Variants in BPIFA2 observed in about 807,000 individuals in gnomAD.
BPIFA2 encodes the protein BPI fold containing family A member 2.
Under a neutral mutation model 25.7 loss-of-function variants are expected in BPIFA2, and 20 were observed. The ratio of observed to expected loss-of-function variants is 0.78; its 90% CI spans 0.55 to 1.13. The LOEUF (loss-of-function observed/expected upper bound fraction) is 1.13. Among genes scored for constraint, BPIFA2 ranks in the 50% most tolerant of loss-of-function variants. The pLI is 0.00. For missense variants in BPIFA2, 300 were observed against 298.1 expected, an observed-to-expected ratio of 1.01 and a Z score of -0.05; for synonymous variants, 126 against 124.3, an observed-to-expected ratio of 1.01 and a Z score of -0.09.
intron 2 of BPIFA2, among the ~76,000 whole-genome samples, chr20:33,170,066 A>C (rs571102526): frequency 5.0e-4 from 76 of 152,358 alleles, no homozygotes; most frequent in South Asian, 1.2e-3. Flanking sequence ...TCAAGGGCTT[A>C]GGTAACTTTC....
chr20:33,166,620 CAG>C (rs1045046848), upstream of BPIFA2, among the ~76,000 whole-genome samples: 2 of 152,134 alleles, frequency 1.3e-5, no homozygotes, highest in Non-Finnish European at 2.9e-5. Context: ...CAGCAACCAG[CAG>C]AGAGAGAGTA....
rs762707397 is a variant in BPIFA2, at chr20:33,169,200, G to C, written c.55G>C (p.Glu19Gln). The C allele has an allele frequency of 6.2e-7, 1 of 1,613,978 alleles. No individual in the cohort carries two copies. Among genetic ancestry groups the C allele is most frequent in the Admixed American group, 1.7e-5 (1 of 59,992 alleles). ...LLCGVLTGTSESLLDNLGNDL... is the reference protein window; with the variant it reads ...LLCGVLTGTSQSLLDNLGNDL... The stretch of plus-strand genomic sequence containing the variant: ...GTGCGGCGTGCTCACTGGGACCTCA[G>C]AGTCTCTTCTTGACAATCTTGGCAA... Residue 19 changes from glutamate (E) to glutamine (Q), a missense_variant, in exon 2 of 9, where the codon GAG becomes CAG. Glu to Gln is a conservative substitution (Grantham distance 29). Transcript: ENST00000354932.
chr20:33,166,085 T>C (rs933344835), upstream of BPIFA2, among the ~76,000 whole-genome samples: 11 of 152,310 alleles, frequency 7.2e-5, no homozygotes, highest in African/African-American at 2.2e-4. Context: ...GGCACAATCT[T>C]GGCTCACTGC....
chr20:33,175,877 C>T (rs921829758), intron 5 of BPIFA2, among the ~76,000 whole-genome samples: 10 of 152,148 alleles, frequency 6.6e-5, no homozygotes, highest in Non-Finnish European at 1.2e-4. Context: ...CTGGTTCTCT[C>T]CATTACTGAG....
chr20:33,174,166 C>T lies in BPIFA2; in HGVS notation c.390C>T (p.Thr130=), dbSNP rs755982612. Residue 130 remains threonine, a synonymous_variant, in exon 4 of 9, where the codon ACC becomes ACT. Transcript: ENST00000354932. ...GKGLNLSFPV[T]ANVTVAGPII... ...GCCTTAACCTGAGCTTCCCTGTCAC[C>T]GCGAATGTCACTGTGGCCGGGTGAG... 15 of 1,614,082 alleles carry T rather than the reference C, an allele frequency of 9.3e-6. No individual in the cohort carries two copies. Among genetic ancestry groups the T allele is most frequent in the Admixed American group, 1.7e-5 (1 of 60,020 alleles).
rs1375640196 is a variant in BPIFA2, at chr20:33,175,469, T to C, written c.473T>C (p.Ile158Thr). The change falls in exon 5 of 9, where the codon ATT (isoleucine) becomes ACT (threonine). Residue 158 changes from isoleucine (I) to threonine (T), a missense_variant. Physicochemically the swap from Ile to Thr is moderately conservative, Grantham distance 89. Transcript: ENST00000354932. ...ASLDLLTAVTIETDPQTHQPV... is the reference protein window; with the variant it reads ...ASLDLLTAVTTETDPQTHQPV... Reference sequence around the variant, plus strand: ...TTGGACCTCCTGACCGCAGTCACAATTGAAACTGATCCCCAGACACACCAG... The same window carrying C: ...TTGGACCTCCTGACCGCAGTCACAACTGAAACTGATCCCCAGACACACCAG... 3.1e-6 allele frequency: 5 copies of C among 1,614,068 alleles called. No homozygotes were observed. The South Asian group carries it at 4.4e-5, about 14-fold the overall frequency.
chr20:33,174,194 T>C lies in BPIFA2; in HGVS notation c.410+8T>C. On this transcript the variant is annotated splice_region_variant and intron_variant, in intron 4 of 8. Coordinates refer to ENST00000354932, the MANE Select transcript of BPIFA2 (RefSeq NM_080574.4). ...GAATGTCACTGTGGCCGGGTGAGTA[T>C]GCACTAGAATCTGAGATTTGGGAAA... 6.2e-7 allele frequency: 1 copy of C among 1,613,206 alleles called. No individual in the cohort carries two copies. The highest frequency in any genetic ancestry group is 8.5e-7 in the Non-Finnish European group (1 of 1,179,170).
At chr20:33,172,043 G>A (rs953801234) in intron 2 of BPIFA2, among the ~76,000 whole-genome samples, 3 of 152,138 alleles carry the variant, frequency 2.0e-5, no homozygotes, top group African/African-American at 7.2e-5. Context: ...ATACACCATG[G>A]AATACTATGC....
chr20:33,172,463 C>G (rs1655938957), intron 2 of BPIFA2, among the ~76,000 whole-genome samples: 1 of 152,074 alleles, frequency 6.6e-6, no homozygotes, highest in Non-Finnish European at 1.5e-5. Context: ...TTCTGGGACT[C>G]TCGTTTTCCA....
At position 33,175,517 on chromosome 20, in the gene BPIFA2, G is replaced by A. The variant is rs755431043; in HGVS notation, c.521G>A (p.Cys174Tyr). ...THQPVAVLGE[C>Y]ASDPTSISLS... is the part of the protein sequence containing the mutation. ...CAGCCTGTTGCCGTCCTGGGAGAAT[G>A]CGCCAGTGACCCAACCAGCATCTCA... Residue 174 changes from cysteine to tyrosine, a missense_variant, in exon 5 of 9, where the codon TGC becomes TAC. Cys to Tyr is a radical substitution (Grantham distance 194). Transcript: ENST00000354932. 3 of 1,614,126 alleles carry A rather than the reference G, an allele frequency of 1.9e-6. No homozygotes were observed. The highest frequency in any genetic ancestry group is 1.1e-5 in the South Asian group (1 of 91,062).
chr20:33,176,391 C>T (rs1175913230), intron 5 of BPIFA2, among the ~76,000 whole-genome samples: 10 of 152,172 alleles, frequency 6.6e-5, no homozygotes, highest in Non-Finnish European at 1.5e-4. Context: ...GGCTACTTGG[C>T]CTTGGCCAGG....
intron 6 of BPIFA2, among the ~76,000 whole-genome samples, chr20:33,178,674 G>A (rs777324455): frequency 2.6e-5 from 4 of 152,092 alleles, no homozygotes; most frequent in Non-Finnish European, 4.4e-5. Flanking sequence ...ACCATGTGCA[G>A]GATTACTAGG....
At chr20:33,178,337 T>G in intron 6 of BPIFA2, 109 bp downstream of exon 6, 1 of 821,780 alleles carries the variant, frequency 1.2e-6, no homozygotes, top group Non-Finnish European at 1.9e-6. Flanking sequence ...AGGTGAAAGC[T>G]TCTCCTTAGG....
chr20:33,180,130 A>C (rs1022017028), intron 7 of BPIFA2, among the ~76,000 whole-genome samples: 2 of 151,860 alleles, frequency 1.3e-5, no homozygotes, highest in African/African-American at 4.8e-5. Context: ...AGGCGGGAGG[A>C]TTGCTTGAGC....
chr20:33,169,003 A>G (rs1017436214), intron 1 of BPIFA2, 128 bp from the exon 2 acceptor site: 26 of 896,776 alleles, frequency 2.9e-5, no homozygotes, highest in Non-Finnish European at 4.1e-5. Flanking sequence ...TTGGCTGCCC[A>G]TTTGTAAAAT....
At chr20:33,166,430 T>A (rs6059134), upstream of BPIFA2, among the ~76,000 whole-genome samples, 13,751 of 152,248 alleles carry the variant, frequency 0.09, 1,194 homozygotes, top group African/African-American at 0.23. Flanking sequence ...CATCAGCATC[T>A]TCTTCGCCAT....
upstream of BPIFA2, among the ~76,000 whole-genome samples, chr20:33,166,430 T>G (rs6059134): frequency 1.3e-5 from 2 of 152,142 alleles, no homozygotes; most frequent in African/African-American, 4.8e-5. Flanking sequence ...CATCAGCATC[T>G]TCTTCGCCAT....
At chr20:33,164,336 G>A (rs1034936075), upstream of BPIFA2, among the ~76,000 whole-genome samples, 2 of 152,134 alleles carry the variant, frequency 1.3e-5, no homozygotes, top group Non-Finnish European at 2.9e-5. Context: ...AACAGGGAGC[G>A]ACCCAGAGAG....
chr20:33,172,312 G>A (rs1207876389), intron 2 of BPIFA2, among the ~76,000 whole-genome samples: 3 of 152,018 alleles, frequency 2.0e-5, no homozygotes, highest in East Asian at 1.9e-4. Flanking sequence ...CCTAGATGAC[G>A]GGTTGATAGG....
Sources: gnomAD v4.1 joint callset for allele counts (sites outside exome capture counted in the v4.1 genomes callset) on GRCh38, gnomAD v4.1.1 for gene constraint, MANE v1.5 for transcripts, NCBI Gene and HGNC (gene_info 2026-07-23, HGNC 2026-07-21) for gene names.